The following CD59 variants were observed in gnomAD, a reference collection of about 807,000 sequenced individuals.
CD59 encodes CD59 molecule (CD59 blood group).
A neutral mutation model predicts 7.0 loss-of-function variants in CD59; 3 were observed. The observed-to-expected ratio is 0.43, with a 90% CI of 0.19 to 1.10. The LOEUF (loss-of-function observed/expected upper bound fraction) is 1.10, where lower values mean the gene tolerates loss of function less well. Ranked by LOEUF, CD59 falls within the 50% of genes least tolerant of loss-of-function variation. CD59 has a pLI of 0.29. For synonymous variants in CD59, 60 were observed against 62.0 expected, an observed-to-expected ratio of 0.97 and a Z score of 0.15; for missense variants, 143 against 151.0, an observed-to-expected ratio of 0.95 and a Z score of 0.28.
intron 3 of CD59, among the ~76,000 whole-genome samples, chr11:33,714,454 A>G (rs887491868): frequency 6.6e-6 from 1 of 152,350 alleles, no homozygotes; most frequent in Non-Finnish European, 1.5e-5. Context: ...ATTGGAAGTC[A>G]GTGAATGAGT....
intron 3 of CD59, chr11:33,711,521 A>C (rs1853557951): frequency 1.6e-6 from 1 of 644,168 alleles, no homozygotes; most frequent in East Asian, 2.8e-5. Context: ...AAAATAAAAA[A>C]TAAAAAAATT....
In CD59 at chr11:33,705,281, C is replaced by T. The variant is rs1336021807; in HGVS notation, c.*4845G>A. The stretch of plus-strand genomic sequence containing the variant: ...GTCAGAATTTTCTGTCCACAAGCAA[C>T]AGAAGCTTACACTGAGAATTTATTG... On this transcript the variant is annotated 3_prime_UTR_variant, in exon 4 of 4. Coordinates refer to ENST00000642928, the MANE Select transcript of CD59 (RefSeq NM_000611.6). The T allele has an allele frequency of 2.0e-5, 3 of 152,234 alleles. No homozygotes were observed. Among genetic ancestry groups the T allele is most frequent in the Non-Finnish European group, 4.4e-5 (3 of 68,054 alleles). 9.4% of individuals were successfully genotyped at this position (152,234 alleles called of 1,614,324 possible).
chr11:33,708,619 C>T lies in CD59; in HGVS notation c.*1507G>A, dbSNP rs1331112642. ...TCAGGCCAAAAAAAAAAAAAAAAAC[C>T]TATTGATGTAAGGAAAGACACTGAG... On this transcript the variant is annotated 3_prime_UTR_variant, in exon 4 of 4. Coordinates refer to ENST00000642928, the MANE Select transcript of CD59 (RefSeq NM_000611.6). 1 of 151,042 alleles carries T rather than the reference C, an allele frequency of 6.6e-6. No individual in the cohort carries two copies. Among genetic ancestry groups the T allele is most frequent in the Non-Finnish European group, 1.5e-5 (1 of 67,790 alleles). The allele number at this position is 151,042 out of a possible 1,614,324, so 9.4% of individuals were successfully genotyped here.
chr11:33,720,693 C>T (rs1056064319), intron 2 of CD59, among the ~76,000 whole-genome samples: 3 of 152,162 alleles, frequency 2.0e-5, no homozygotes, highest in South Asian at 2.1e-4. Flanking sequence ...CGCGCCACTG[C>T]GCTCCAGCCT....
chr11:33,735,262 T>TGTGCTGA (rs1206726506), intron 1 of CD59, among the ~76,000 whole-genome samples: 1 of 152,228 alleles, frequency 6.6e-6, no homozygotes, highest in Non-Finnish European at 1.5e-5. Flanking sequence ...CCGCCGCGTT[T>TGTGCTGA]GTGCTGAGCG....
At chr11:33,715,559 C>T (rs1173068617) in intron 3 of CD59, among the ~76,000 whole-genome samples, 6 of 152,028 alleles carry the variant, frequency 3.9e-5, no homozygotes, top group African/African-American at 1.4e-4. Context: ...AAGATTGCAC[C>T]ACTGCCCTCT....
In CD59 at chr11:33,727,284, G is replaced by A. The variant is rs1349455341; in HGVS notation, c.-18-4821C>T. Among the ~76,000 whole-genome samples, 8 of 152,082 alleles carry A rather than the reference G, an allele frequency of 5.3e-5. 1 individual carries two copies. The highest frequency in any genetic ancestry group is 2.9e-5 in the Non-Finnish European group (2 of 68,012). ...TGTGAAAATCCTCAATAAAATACTG[G>A]CAAACTGAATCCAGCAGCACATCAA... On this transcript the variant is annotated intron_variant, in intron 1 of 3. Coordinates refer to ENST00000642928, the MANE Select transcript of CD59 (RefSeq NM_000611.6).
chr11:33,726,146 C>T (rs946465212), intron 1 of CD59, among the ~76,000 whole-genome samples: 5 of 152,132 alleles, frequency 3.3e-5, no homozygotes. Context: ...ACAAGGATAT[C>T]CAGGACTTGA....
Position 33,709,837 on chromosome 11 carries a change from T to G in CD59, c.*289A>C. 1.9e-6 allele frequency: 1 copy of G among 536,220 alleles called. No individual in the cohort carries two copies. The highest frequency in any genetic ancestry group is 3.4e-6 in the Non-Finnish European group (1 of 298,374). 33.2% of individuals were successfully genotyped at this position (536,220 alleles called of 1,614,324 possible). ...AGGGCTGCAGAGAACCCACTCAAGC[T>G]GTCACTGCAAAGCTGGTCTTCCCAA... On this transcript the variant is annotated 3_prime_UTR_variant, in exon 4 of 4. Coordinates refer to ENST00000642928, the MANE Select transcript of CD59 (RefSeq NM_000611.6).
At position 33,717,471 on chromosome 11, in the gene CD59, C is replaced by T; in HGVS notation, c.68G>A (p.Gly23Asp). Reference sequence around the variant, plus strand: ...ACAGTTGTAGCACTGCAGGCTATGACCTAGAATCAGGAAGAAAGTCAGGAT... The same window carrying T: ...ACAGTTGTAGCACTGCAGGCTATGATCTAGAATCAGGAAGAAAGTCAGGAT... ...LLVLAVFCHS[G>D]HSLQCYNCPN... The change falls in exon 3 of 4, where the codon GGT (glycine) becomes GAT (aspartate). Residue 23 changes from glycine (G) to aspartate (D), a missense_variant and splice_region_variant. Transcript: ENST00000642928. The T allele has an allele frequency of 6.3e-7, 1 of 1,594,942 alleles. No individual in the cohort carries two copies. Among genetic ancestry groups the T allele is most frequent in the Non-Finnish European group, 8.6e-7 (1 of 1,162,666 alleles).
intron 1 of CD59, among the ~76,000 whole-genome samples, chr11:33,728,597 G>A (rs1385761296): frequency 6.6e-6 from 1 of 152,134 alleles, no homozygotes; most frequent in East Asian, 1.9e-4. Context: ...ATACCATTCA[G>A]GACATAGGCA....
At chr11:33,721,137 G>GA (rs1215155083) in intron 2 of CD59, among the ~76,000 whole-genome samples, 13 of 152,136 alleles carry the variant, frequency 8.5e-5, no homozygotes, top group African/African-American at 1.7e-4. Context: ...AATAATTATA[G>GA]AAAAAATATA....
intron 3 of CD59, among the ~76,000 whole-genome samples, chr11:33,715,596 T>C (rs1853754806): frequency 6.6e-6 from 1 of 151,892 alleles, no homozygotes; most frequent in South Asian, 2.1e-4. Context: ...CAAGACCTTG[T>C]CTCAAAAAAG....
chr11:33,710,890 G>A (rs1384433796), intron 3 of CD59, among the ~76,000 whole-genome samples: 2 of 151,036 alleles, frequency 1.3e-5, no homozygotes, highest in African/African-American at 4.9e-5. Flanking sequence ...CTCAAGAATG[G>A]TCAGAAAAAA....
At position 33,709,952 on chromosome 11, in the gene CD59, G is replaced by C; in HGVS notation, c.*174C>G. On this transcript the variant is annotated 3_prime_UTR_variant, in exon 4 of 4. Transcript: ENST00000642928. ...TCAAGTGGGGCTTCCCTGCAAACAG[G>C]ACTGGTCTTCAAAGTCTCCCAGAGC... 1 of 670,460 alleles carries C rather than the reference G, an allele frequency of 1.5e-6. No homozygotes were observed. The highest frequency in any genetic ancestry group is 2.7e-6 in the Non-Finnish European group (1 of 373,654). The allele number at this position is 670,460 out of a possible 1,614,324, so 41.5% of individuals were successfully genotyped here.
At chr11:33,723,054 G>GCTTTCCTTCTTCTCACC in intron 1 of CD59, 1 of 730,248 alleles carries the variant, frequency 1.4e-6, no homozygotes, top group Non-Finnish European at 1.7e-6. Context: ...ATAGCATCAG[G>GCTTTCCTTCTTCTCACC]TGAGAAGAAG....
In CD59 at chr11:33,717,961, T is replaced by C. The variant is rs111358929; in HGVS notation, c.68-490A>G. The C allele has an allele frequency of 4.8e-3, 959 of 198,840 alleles. 10 individuals carry two copies. The highest frequency in any genetic ancestry group is 0.021 in the African/African-American group (904 of 42,864). The allele number at this position is 198,840 out of a possible 1,614,324, so 12.3% of individuals were successfully genotyped here. On this transcript the variant is annotated intron_variant, in intron 2 of 3. Transcript: ENST00000642928. ...AGTATTAATAGATGAACATCTGCAA[T>C]TGATTTGATGCGAGGGAACACTAAT...
intron 3 of CD59, among the ~76,000 whole-genome samples, chr11:33,711,719 AAAG>A (rs1231704987): frequency 6.6e-6 from 1 of 152,226 alleles, no homozygotes; most frequent in Non-Finnish European, 1.5e-5. Context: ...ACATTTCTCC[AAAG>A]AAGATTCTCA....
Position 33,722,394 on chromosome 11 carries a change from C to T in CD59, c.52G>A (p.Val18Ile), listed in dbSNP as rs745311147. ...VLFGLLLVLA[V>I]FCHSGHSLQC... ...GAGCACTCACCTGAATGGCAGAAGA[C>T]AGCCAGGACGAGCAGCAGCCCGAAC... Residue 18 changes from valine to isoleucine, a missense_variant, in exon 2 of 4, where the codon GTC becomes ATC. Coordinates refer to ENST00000642928, the MANE Select transcript of CD59 (RefSeq NM_000611.6). 26 of 1,613,542 alleles carry T rather than the reference C, an allele frequency of 1.6e-5. No individual in the cohort carries two copies. The Admixed American group carries it at 4.3e-4, about 27-fold the overall frequency.
Sources: allele counts gnomAD v4.1 joint callset (sites outside exome capture counted in the v4.1 genomes callset), GRCh38; gene constraint gnomAD v4.1.1; transcripts MANE v1.5; gene names NCBI Gene and HGNC (gene_info 2026-07-23, HGNC 2026-07-21).